PDZD7: variants seen among roughly 807,000 people sequenced by gnomAD.
PDZD7 encodes PDZ domain-containing protein 7.
PDZD7 carries 72 observed loss-of-function variants against 84.7 expected under a neutral mutation model. The ratio of observed to expected loss-of-function variants is 0.85; its 90% CI spans 0.70 to 1.03. The LOEUF is 1.03. Ranked by LOEUF, PDZD7 falls within the 50% of genes least tolerant of loss-of-function variation. The pLI, the probability that PDZD7 is intolerant of heterozygous loss-of-function variation, is 0.00. For synonymous variants in PDZD7, 594 were observed against 580.7 expected (o/e 1.02, Z -0.33); for missense variants, 1,490 against 1,412.9 (o/e 1.05, Z -0.87).
At chr10:101,011,085 T>A in intron 14 of PDZD7, 1 of 1,419,342 alleles carries the variant, frequency 7.0e-7, no homozygotes, top group South Asian at 1.5e-5. Flanking sequence ...CTCACTCTGT[T>A]GCCCAGGCGT....
At chr10:101,023,860 T>G in intron 3 of PDZD7, 68 bp downstream of exon 3, 1 of 1,611,268 alleles carries the variant, frequency 6.2e-7, no homozygotes, top group South Asian at 1.1e-5. Flanking sequence ...GACAGCAGCA[T>G]CCCCTGCCAT....
chr10:101,011,779 C>T lies in PDZD7; in HGVS notation c.1934-18G>A. On this transcript the variant is annotated intron_variant, in intron 13 of 16. Transcript: ENST00000619208. Reference sequence around the variant, plus strand: ...AGGCCGGACTGGTTGGAGAGATGAACAGGTCAGCGGCAAGGTACCCCGCCA... The same window carrying T: ...AGGCCGGACTGGTTGGAGAGATGAATAGGTCAGCGGCAAGGTACCCCGCCA... The T allele has an allele frequency of 6.5e-7, 1 of 1,550,362 alleles. No homozygotes were observed. The highest frequency in any genetic ancestry group is 8.7e-7 in the Non-Finnish European group (1 of 1,147,006).
intron 15 of PDZD7, among the ~76,000 whole-genome samples, chr10:101,010,018 G>A (rs1399118551): frequency 6.6e-6 from 1 of 152,120 alleles, no homozygotes; most frequent in Admixed American, 6.5e-5. Context: ...TCAGCCTTCT[G>A]AGTAGCTGGG....
intron 2 of PDZD7, among the ~76,000 whole-genome samples, chr10:101,027,770 T>G (rs1461811700): frequency 1.3e-5 from 2 of 152,224 alleles, no homozygotes; most frequent in Non-Finnish European, 2.9e-5. Flanking sequence ...TCAATCATGG[T>G]GGGGACTTCG....
At chr10:101,024,696 G>C (rs1189543534) in intron 2 of PDZD7, among the ~76,000 whole-genome samples, 2 of 151,342 alleles carry the variant, frequency 1.3e-5, no homozygotes, top group African/African-American at 2.4e-5. Context: ...CAGGAGCCCA[G>C]GAGGTCGAGG....
chr10:101,009,599 C>CTTTTTTT lies in PDZD7; in HGVS notation c.2618-256_2618-250dup, dbSNP rs142806278. Among the ~76,000 whole-genome samples, 113 of 62,280 alleles carry CTTTTTTT rather than the reference C, an allele frequency of 1.8e-3. 2 individuals carry two copies. The highest frequency in any genetic ancestry group is 2.5e-3 in the Non-Finnish European group (95 of 37,556). 40.9% of individuals were successfully genotyped at this position (62,280 alleles called of 152,430 possible). A position where few individuals can be genotyped will look rare whatever the true frequency, so the allele number is the denominator to read the frequency against. ...ATTTATTTATTTTTTGAGACAGAGT[C>CTTTTTTT]TTTTTTTTTTTTTTTTTTTTTTTTT... is the stretch of plus-strand genomic sequence containing the variant. On this transcript the variant is annotated intron_variant, in intron 15 of 16. Transcript: ENST00000619208.
In PDZD7 at chr10:101,011,942, G is replaced by C. The variant is rs528139723; in HGVS notation, c.1916C>G (p.Ala639Gly). The C allele has an allele frequency of 6.4e-4, 988 of 1,550,318 alleles. 11 individuals carry two copies. In the South Asian group the frequency reaches 0.01, roughly 16 times the overall value. The change falls in exon 13 of 17, where the codon GCC (alanine) becomes GGC (glycine). Residue 639 changes from alanine to glycine, a missense_variant. Transcript: ENST00000619208. ...VMLVELEAFEALKSRAVRPPA... is the reference protein window; with the variant it reads ...VMLVELEAFEGLKSRAVRPPA... Reference sequence around the variant, plus strand: ...CTGCTGACCTGCCCTGCTCTTGAGGGCCTCAAAAGCCTCCAGCTCCACAAG... The same window carrying C: ...CTGCTGACCTGCCCTGCTCTTGAGGCCCTCAAAAGCCTCCAGCTCCACAAG...
Position 101,011,962 on chromosome 10 carries a change from C to A in PDZD7, c.1896G>T (p.Val632=). ...TGAGGGCCTCAAAAGCCTCCAGCTCCACAAGCATCACCATGCTGTCGAAGC... is the reference window on the plus strand; with the variant it reads ...TGAGGGCCTCAAAAGCCTCCAGCTCAACAAGCATCACCATGCTGTCGAAGC... ...LGRFDSMVML[V]ELEAFEALKS... Residue 632 remains valine, a synonymous_variant, in exon 13 of 17, where the codon GTG becomes GTT. Coordinates refer to ENST00000619208, the MANE Select transcript of PDZD7 (RefSeq NM_001195263.2). 6.4e-7 allele frequency: 1 copy of A among 1,550,468 alleles called. No homozygotes were observed. Among genetic ancestry groups the A allele is most frequent in the Non-Finnish European group, 8.7e-7 (1 of 1,146,980 alleles).
In PDZD7 at chr10:101,007,739, G is replaced by A. The variant is rs527472651; in HGVS notation, c.*728C>T. On this transcript the variant is annotated 3_prime_UTR_variant, in exon 17 of 17. Coordinates refer to ENST00000619208, the MANE Select transcript of PDZD7 (RefSeq NM_001195263.2). ...CCAAGCAGCCTCTCCCTTCACCCAG[G>A]TTTATGGCCTCGTTTTCACTTGTAT... The A allele has an allele frequency of 5.2e-6, 4 of 762,598 alleles. No homozygotes were observed. Among genetic ancestry groups the A allele is most frequent in the East Asian group, 1.3e-4 (1 of 7,910 alleles). 47.2% of individuals were successfully genotyped at this position (762,598 alleles called of 1,614,324 possible).
chr10:101,023,734 G>C, intron 3 of PDZD7, 124 bp from the exon 4 acceptor site: 1 of 1,437,374 alleles, frequency 7.0e-7, no homozygotes. Context: ...TCAGAGCAGG[G>C]GCTGAGTGTT....
At chr10:101,015,884 C>A in intron 10 of PDZD7, 73 bp from the exon 11 acceptor site, 1 of 1,465,014 alleles carries the variant, frequency 6.8e-7, no homozygotes, top group Non-Finnish European at 9.1e-7. Flanking sequence ...AATTGGCCAG[C>A]TGAGAGCCCA....
Position 101,010,377 on chromosome 10 carries a change from C to T in PDZD7, c.2512G>A (p.Gly838Arg). The change falls in exon 15 of 17, where the codon GGG (glycine) becomes AGG (arginine). Residue 838 changes from glycine to arginine, a missense_variant. Physicochemically the swap from Gly to Arg is moderately radical, Grantham distance 125. Transcript: ENST00000619208. Reference protein sequence around the residue: ...GEAAKVGAKQGPSESGTEGTA... With the variant: ...GEAAKVGAKQRPSESGTEGTA... ...CCCTCAGTTCCACTCTCCGAGGGCC[C>T]TTGCTTGGCCCCCACCTTGGCTGCC... 6.5e-7 allele frequency: 1 copy of T among 1,536,220 alleles called. No homozygotes were observed. Among genetic ancestry groups the T allele is most frequent in the Non-Finnish European group, 8.7e-7 (1 of 1,146,936 alleles).
At position 101,008,609 on chromosome 10, in the gene PDZD7, G is replaced by T. The variant is rs1236883566; in HGVS notation, c.2960C>A (p.Ala987Asp). 1.3e-6 allele frequency: 2 copies of T among 1,536,146 alleles called. No individual in the cohort carries two copies. The highest frequency in any genetic ancestry group is 1.7e-6 in the Non-Finnish European group (2 of 1,146,890). ...GGTGGGAGGTTCTGGGAGCCAGTGG[G>T]CAGGAACTGGAGCAGCATCAAGGGG... is the stretch of plus-strand genomic sequence containing the variant. ...HQPLDAAPVP[A>D]HWLPEPPTNP... is the part of the protein sequence containing the mutation. Residue 987 changes from alanine (A) to aspartate (D), a missense_variant, in exon 17 of 17, where the codon GCC (alanine) becomes GAC (aspartate). By Grantham distance (126) the Ala-to-Asp change is moderately radical. Coordinates refer to ENST00000619208, the MANE Select transcript of PDZD7 (RefSeq NM_001195263.2).
At position 101,010,559 on chromosome 10, in the gene PDZD7, C is replaced by T. The variant is rs939062446; in HGVS notation, c.2330G>A (p.Arg777His). The T allele has an allele frequency of 4.7e-6, 7 of 1,487,902 alleles. No individual in the cohort carries two copies. In the Admixed American group the frequency reaches 1.2e-4, roughly 26 times the overall value. The allele number at this position is 1,487,902 out of a possible 1,614,324, so 92.2% of individuals were successfully genotyped here. Residue 777 changes from arginine (R) to histidine (H), a missense_variant, in exon 15 of 17, where the codon CGT becomes CAT. Physicochemically the swap from Arg to His is conservative, Grantham distance 29 (BLOSUM62 0). Transcript: ENST00000619208. ...RGRAQSRSRS[R>H]SRSRSRSSRG... is the part of the protein sequence containing the mutation. Reference sequence around the variant, plus strand: ...GCTGCTGCGGCTGCGGCTGCGGCTACGGCTGCGGCTACGGCTCTGAGCCCG... The same window carrying T: ...GCTGCTGCGGCTGCGGCTGCGGCTATGGCTGCGGCTACGGCTCTGAGCCCG...
chr10:101,021,894 C>T lies in PDZD7; in HGVS notation c.771G>A (p.Gln257=). 1 of 1,614,206 alleles carries T rather than the reference C, an allele frequency of 6.2e-7. No homozygotes were observed. Among genetic ancestry groups the T allele is most frequent in the Non-Finnish European group, 8.5e-7 (1 of 1,180,040 alleles). The change falls in exon 6 of 17, where the codon CAG becomes CAA. Residue 257 remains glutamine (Q), a synonymous_variant. Transcript: ENST00000619208. ...AEENGIKVGD[Q]VLAANGVRFD... ...ACCTGACACCGTTGGCTGCCAGGAC[C>T]TGGTCCCCCACCTTGATGCCATTCT... is the stretch of plus-strand genomic sequence containing the variant.
At chr10:101,013,790 A>T (rs1213639567) in intron 11 of PDZD7, among the ~76,000 whole-genome samples, 2 of 151,886 alleles carry the variant, frequency 1.3e-5, no homozygotes, top group African/African-American at 4.8e-5. Context: ...TCTGCCAAAG[A>T]CAATGGGTCA....
chr10:101,030,212 T>C lies in PDZD7; in HGVS notation c.8A>G (p.Gln3Arg). 6.2e-7 allele frequency: 1 copy of C among 1,607,588 alleles called. No individual in the cohort carries two copies. ...TGGGTCGAAGCCCACTGCGAAACCCTGCGCCATGGCGGCTGGGCTAGGGCG... is the reference window on the plus strand; with the variant it reads ...TGGGTCGAAGCCCACTGCGAAACCCCGCGCCATGGCGGCTGGGCTAGGGCG... MA[Q>R]GFAVGFDPLG... The change falls in exon 2 of 17, where the codon CAG (glutamine) becomes CGG (arginine). Residue 3 changes from glutamine (Q) to arginine (R), a missense_variant. Gln to Arg is a conservative substitution (Grantham distance 43, BLOSUM62 1). Transcript: ENST00000619208.
At position 101,008,153 on chromosome 10, in the gene PDZD7, A is replaced by C; in HGVS notation, c.*314T>G. On this transcript the variant is annotated 3_prime_UTR_variant, in exon 17 of 17. Coordinates refer to ENST00000619208, the MANE Select transcript of PDZD7 (RefSeq NM_001195263.2). ...GAGGCTTGGGCGACTCATAAGGGAC[A>C]GCATGTGAGAAAGTGCCCACCAATC... 2.4e-6 allele frequency: 1 copy of C among 424,244 alleles called. No individual in the cohort carries two copies. Among genetic ancestry groups the C allele is most frequent in the Non-Finnish European group, 4.2e-6 (1 of 238,312 alleles). 26.3% of individuals were successfully genotyped at this position (424,244 alleles called of 1,614,324 possible).
chr10:101,024,051 C>T lies in PDZD7; in HGVS notation c.244G>A (p.Asp82Asn), dbSNP rs139145521. The change falls in exon 3 of 17, where the codon GAC becomes AAC. Residue 82 changes from aspartate to asparagine, a missense_variant. Transcript: ENST00000619208. ...SPIEANSDESDIIHSVRVEKS... is the reference protein window; with the variant it reads ...SPIEANSDESNIIHSVRVEKS... The stretch of plus-strand genomic sequence containing the variant: ...TCCACCCGGACTGAATGGATGATGT[C>T]ACTTTCATCACTGTTGGCTGTGAGG... 8.4e-5 allele frequency: 135 copies of T among 1,614,266 alleles called. 1 individual carries two copies. In the African/African-American group the frequency reaches 1.5e-3, roughly 18 times the overall value.
Sources: gnomAD v4.1 joint callset for allele counts (sites outside exome capture counted in the v4.1 genomes callset) on GRCh38, gnomAD v4.1.1 for gene constraint, MANE v1.5 for transcripts, NCBI Gene and HGNC (gene_info 2026-07-23, HGNC 2026-07-21) for gene names.